Variants in GARRE1 observed in about 807,000 individuals in gnomAD.
GARRE1 encodes granule associated Rac and RHOG effector protein 1.
A neutral mutation model predicts 103.2 loss-of-function variants in GARRE1; 49 were observed. That is an observed-to-expected ratio of 0.47 (90% confidence interval 0.38 to 0.60). The LOEUF (loss-of-function observed/expected upper bound fraction) is 0.60, where lower values mean the gene tolerates loss of function less well. GARRE1 is among the 20% of genes least tolerant of loss of function. The pLI is 0.00. For missense variants in GARRE1, 1,199 were observed against 1,370.5 expected, an observed-to-expected ratio of 0.87 and a Z score of 1.98; for synonymous variants, 505 against 532.8, an observed-to-expected ratio of 0.95 and a Z score of 0.72.
At chr19:34,292,757 T>C (rs898295425) in intron 1 of GARRE1, among the ~76,000 whole-genome samples, 3 of 151,848 alleles carry the variant, frequency 2.0e-5, no homozygotes, top group Non-Finnish European at 4.4e-5. Context: ...TTTTTTTTTT[T>C]TGAGTCTCGC....
intron 8 of GARRE1, among the ~76,000 whole-genome samples, chr19:34,339,484 C>A (rs562630895): frequency 1.6e-4 from 24 of 152,328 alleles, no homozygotes; most frequent in Non-Finnish European, 3.1e-4. Context: ...TTAGTGTGTT[C>A]ACCAGCGTGG....
chr19:34,326,784 C>T (rs1173182176), intron 3 of GARRE1, among the ~76,000 whole-genome samples: 1 of 151,462 alleles, frequency 6.6e-6, no homozygotes, highest in African/African-American at 2.4e-5. Flanking sequence ...TATATACACA[C>T]ATATATATGT....
chr19:34,312,189 GTTAAGGGGCTA>G (rs1367686648), intron 2 of GARRE1, among the ~76,000 whole-genome samples: 1 of 152,162 alleles, frequency 6.6e-6, no homozygotes, highest in Non-Finnish European at 1.5e-5. Flanking sequence ...AGGAAGACTA[GTTAAGGGGCTA>G]TTAGAGCAGT....
At chr19:34,304,185 G>T (rs1017926326) in intron 2 of GARRE1, among the ~76,000 whole-genome samples, 24 of 151,812 alleles carry the variant, frequency 1.6e-4, no homozygotes, top group Non-Finnish European at 3.1e-4. Flanking sequence ...CTGCCTCCTG[G>T]GTTGAAGCAA....
chr19:34,320,035 C>A lies in GARRE1; in HGVS notation c.624C>A (p.Ser208Arg). The A allele has an allele frequency of 6.2e-7, 1 of 1,614,220 alleles. No homozygotes were observed. The highest frequency in any genetic ancestry group is 8.5e-7 in the Non-Finnish European group (1 of 1,180,038). The part of the protein sequence containing the change: ...AEVIVPEKKN[S>R]GSGGGLSGMG... ...TCATCGTGCCAGAAAAAAAGAACAG[C>A]GGCAGTGGCGGCGGCTTATCTGGCA... Residue 208 changes from serine to arginine, a missense_variant, in exon 3 of 14, where the codon AGC (serine) becomes AGA (arginine). Transcript: ENST00000299505.
chr19:34,280,089 C>A (rs2073842699), intron 1 of GARRE1, among the ~76,000 whole-genome samples: 1 of 151,762 alleles, frequency 6.6e-6, no homozygotes, highest in Non-Finnish European at 1.5e-5. Flanking sequence ...TGGCAGAAGG[C>A]AAAGCGGAGC....
At chr19:34,269,240 T>C (rs2073771674) in intron 1 of GARRE1, among the ~76,000 whole-genome samples, 1 of 152,214 alleles carries the variant, frequency 6.6e-6, no homozygotes, top group South Asian at 2.1e-4. Flanking sequence ...GAGGCGGTCA[T>C]GGATCACCAC....
chr19:34,275,983 T>G (rs934193340), intron 1 of GARRE1, among the ~76,000 whole-genome samples: 2 of 152,196 alleles, frequency 1.3e-5, no homozygotes, highest in Non-Finnish European at 2.9e-5. Flanking sequence ...TGATGTTGAC[T>G]GTCTTTTCAT....
rs569646197 is a variant in GARRE1 at position 34,349,752 on chromosome 19, C to T, written c.2825+599C>T. 1.9e-4 allele frequency among the ~76,000 whole-genome samples: 29 copies of T among 152,268 alleles called. 1 individual carries two copies. Among genetic ancestry groups the T allele is most frequent in the Admixed American group, 1.8e-3 (27 of 15,294 alleles). ...CGCAGGGCTCCCAGGCACTCGAAGC[C>T]ATGCTGTAGAGCAGAGTGGGAGGCC... is the stretch of plus-strand genomic sequence containing the variant. On this transcript the variant is annotated intron_variant, in intron 12 of 13. Coordinates refer to ENST00000299505, the MANE Select transcript of GARRE1 (RefSeq NM_014686.5).
chr19:34,269,235 G>T (rs1051380228), intron 1 of GARRE1, among the ~76,000 whole-genome samples: 4 of 152,168 alleles, frequency 2.6e-5, no homozygotes, highest in African/African-American at 9.7e-5. Flanking sequence ...TACCAGAGGC[G>T]GTCATGGATC....
chr19:34,299,360 G>A (rs2073964887), intron 1 of GARRE1, among the ~76,000 whole-genome samples: 1 of 152,172 alleles, frequency 6.6e-6, no homozygotes, highest in African/African-American at 2.4e-5. Context: ...TCCTCCTGAA[G>A]CTTGTGAGCT....
At chr19:34,350,159 A>G (rs1599785262) in intron 12 of GARRE1, among the ~76,000 whole-genome samples, 1 of 152,196 alleles carries the variant, frequency 6.6e-6, no homozygotes, top group African/African-American at 2.4e-5. Flanking sequence ...TGGATGTTCT[A>G]TTTCCAGCAC....
chr19:34,254,923 C>G lies in GARRE1; in HGVS notation c.-796+309C>G, dbSNP rs865931125. Among the ~76,000 whole-genome samples the G allele has an allele frequency of 1.3e-3, 191 of 151,260 alleles. 1 individual carries two copies. The highest frequency in any genetic ancestry group is 3.4e-3 in the Middle Eastern group (1 of 292). On this transcript the variant is annotated intron_variant, in intron 1 of 13. Coordinates refer to ENST00000299505, the MANE Select transcript of GARRE1 (RefSeq NM_014686.5). ...GCGGCACCGCAGGGGCGGGTCGGCG[C>G]CCGTCAGGCGGGGAAAGGGGACGCT...
intron 1 of GARRE1, among the ~76,000 whole-genome samples, chr19:34,269,143 G>T (rs925763640): frequency 2.6e-5 from 4 of 152,198 alleles, no homozygotes; most frequent in Non-Finnish European, 4.4e-5. Context: ...AAGCTCTTCA[G>T]AACCGCTAAT....
chr19:34,302,225 C>A (rs1295303181), intron 2 of GARRE1, among the ~76,000 whole-genome samples: 1 of 148,846 alleles, frequency 6.7e-6, no homozygotes, highest in Admixed American at 6.8e-5. Context: ...CTCGCAACTT[C>A]AGGTGATCCG....
At chr19:34,295,716 A>C (rs2068486795) in intron 1 of GARRE1, among the ~76,000 whole-genome samples, 1 of 152,014 alleles carries the variant, frequency 6.6e-6, no homozygotes. Flanking sequence ...TTTTTTGTAG[A>C]GATGGGGTCT....
intron 2 of GARRE1, among the ~76,000 whole-genome samples, chr19:34,303,137 T>C (rs2073989246): frequency 6.6e-6 from 1 of 152,266 alleles, no homozygotes; most frequent in Admixed American, 6.5e-5. Context: ...AAAGATGACC[T>C]TTTTTCTTGT....
At position 34,347,904 on chromosome 19, in the gene GARRE1, A is replaced by G. The variant is rs1289394531; in HGVS notation, c.2549A>G (p.Tyr850Cys). The change falls in exon 11 of 14, where the codon TAT becomes TGT. Residue 850 changes from tyrosine (Y) to cysteine (C), a missense_variant. Tyr to Cys is a radical substitution (Grantham distance 194, BLOSUM62 -2). Transcript: ENST00000299505. ...AVGSDPEFAR[Y>C]VAGVSQAMQQ... Reference sequence around the variant, plus strand: ...GGCTCAGACCCAGAGTTTGCACGCTATGTGGCAGGAGTGAGCCAGGCGATG... The same window carrying G: ...GGCTCAGACCCAGAGTTTGCACGCTGTGTGGCAGGAGTGAGCCAGGCGATG... 2 of 1,578,460 alleles carry G rather than the reference A, an allele frequency of 1.3e-6. No homozygotes were observed. The highest frequency in any genetic ancestry group is 8.6e-7 in the Non-Finnish European group (1 of 1,160,054).
At chr19:34,313,543 C>T (rs2074046447) in intron 2 of GARRE1, among the ~76,000 whole-genome samples, 1 of 152,170 alleles carries the variant, frequency 6.6e-6, no homozygotes, top group Non-Finnish European at 1.5e-5. Context: ...AGAGCGGCCT[C>T]ACCCAAGTGA....
Sources: gnomAD v4.1 joint callset for allele counts (sites outside exome capture counted in the v4.1 genomes callset) on GRCh38, gnomAD v4.1.1 for gene constraint, MANE v1.5 for transcripts, NCBI Gene and HGNC (gene_info 2026-07-23, HGNC 2026-07-21) for gene names.